Variants in MALRD1 observed in about 807,000 individuals in gnomAD.
The protein encoded by MALRD1 is MAM and LDL-receptor class A domain-containing protein 1.
MALRD1 carries 247 observed loss-of-function variants against 242.1 expected under a neutral mutation model. That is an observed-to-expected ratio of 1.02 (90% CI 0.92 to 1.13). MALRD1 has a LOEUF of 1.13. Ranked by LOEUF, MALRD1 falls within the 50% of genes most tolerant of loss-of-function variation. MALRD1 has a pLI of 0.00. For missense variants in MALRD1, 2,989 were observed against 2,533.1 expected (o/e 1.18, Z -3.86); for synonymous variants, 995 against 866.6 (o/e 1.15, Z -2.60).
At chr10:19,408,014 C>G (rs1833111902) in intron 28 of MALRD1, among the ~76,000 whole-genome samples, 1 of 152,122 alleles carries the variant, frequency 6.6e-6, no homozygotes, top group Non-Finnish European at 1.5e-5. Flanking sequence ...AAGCCAATCA[C>G]TGAAACAATG....
intron 18 of MALRD1, among the ~76,000 whole-genome samples, chr10:19,230,062 G>A (rs112024061): frequency 9.9e-5 from 15 of 152,090 alleles, no homozygotes; most frequent in African/African-American, 1.7e-4. Flanking sequence ...AACCCCTTTC[G>A]CCTTTCACTT....
intron 31 of MALRD1, among the ~76,000 whole-genome samples, chr10:19,526,170 A>G (rs370629942): frequency 1.1e-4 from 17 of 152,252 alleles, no homozygotes; most frequent in East Asian, 7.7e-4. Flanking sequence ...GAAGCAACTG[A>G]AAGTTTATAA....
At chr10:19,422,161 T>C (rs781066133) in intron 28 of MALRD1, among the ~76,000 whole-genome samples, 1 of 152,210 alleles carries the variant, frequency 6.6e-6, no homozygotes, top group Non-Finnish European at 1.5e-5. Context: ...ATTTAAATCA[T>C]GCTCTTTTCT....
chr10:19,379,064 A>C (rs543965069), intron 26 of MALRD1, among the ~76,000 whole-genome samples: 6 of 152,228 alleles, frequency 3.9e-5, no homozygotes, highest in African/African-American at 7.2e-5. Context: ...TATTTCACCA[A>C]AGTTGTCAAG....
intron 14 of MALRD1, among the ~76,000 whole-genome samples, chr10:19,194,258 A>C (rs1259088753): frequency 6.6e-6 from 1 of 152,178 alleles, no homozygotes; most frequent in African/African-American, 2.4e-5. Flanking sequence ...AAATAAACGT[A>C]GGTTATTTGT....
rs116881433 is a variant in MALRD1 at position 19,666,739 on chromosome 10, G to A, written c.6138-25543G>A. On this transcript the variant is annotated intron_variant, in intron 36 of 39. Transcript: ENST00000454679. Reference sequence around the variant, plus strand: ...TGGAGAAAATTTTAAATGCTGGTAGGTAGCTGGTAGCATAAGCCTTCATCA... The same window carrying A: ...TGGAGAAAATTTTAAATGCTGGTAGATAGCTGGTAGCATAAGCCTTCATCA... Among the ~76,000 whole-genome samples the A allele has an allele frequency of 1.6e-4, 25 of 152,242 alleles. No individual in the cohort carries two copies. In the East Asian group the frequency reaches 4.1e-3, roughly 25 times the overall value.
chr10:19,254,385 T>C (rs1839418553), intron 18 of MALRD1, among the ~76,000 whole-genome samples: 1 of 152,002 alleles, frequency 6.6e-6, no homozygotes, highest in East Asian at 1.9e-4. Flanking sequence ...ATTTGAGCTT[T>C]TGGAGATTAT....
At chr10:19,379,649 G>A (rs1401524054) in intron 26 of MALRD1, among the ~76,000 whole-genome samples, 1 of 152,084 alleles carries the variant, frequency 6.6e-6, no homozygotes, top group Non-Finnish European at 1.5e-5. Flanking sequence ...AGCATACTCT[G>A]CATGATTTTA....
At chr10:19,672,389 T>C (rs1841962331) in intron 36 of MALRD1, among the ~76,000 whole-genome samples, 2 of 151,606 alleles carry the variant, frequency 1.3e-5, no homozygotes, top group South Asian at 2.1e-4. Context: ...TTATATTTGA[T>C]TGATGCAACA....
At chr10:19,142,145 C>A (rs1475428194) in intron 10 of MALRD1, among the ~76,000 whole-genome samples, 3 of 123,720 alleles carry the variant, frequency 2.4e-5, no homozygotes, top group African/African-American at 6.2e-5. Context: ...GCACTCCAGC[C>A]TGGGCGACAG....
intron 28 of MALRD1, among the ~76,000 whole-genome samples, chr10:19,406,141 G>T (rs182757981): frequency 1.3e-4 from 20 of 152,262 alleles, no homozygotes; most frequent in African/African-American, 4.6e-4. Flanking sequence ...GCCACCAAAT[G>T]CTATACCAGT....
At chr10:19,145,863 T>C (rs1409964228) in intron 10 of MALRD1, among the ~76,000 whole-genome samples, 1 of 152,156 alleles carries the variant, frequency 6.6e-6, no homozygotes, top group South Asian at 2.1e-4. Context: ...TCATTTAAAC[T>C]ACCATCTCAG....
intron 8 of MALRD1, among the ~76,000 whole-genome samples, chr10:19,131,669 C>T (rs1833114583): frequency 6.6e-6 from 1 of 152,026 alleles, no homozygotes; most frequent in African/African-American, 2.4e-5. Flanking sequence ...GACTTTGGTA[C>T]CCTTGATTTC....
At chr10:19,594,735 G>A (rs966555094) in intron 33 of MALRD1, among the ~76,000 whole-genome samples, 1 of 152,070 alleles carries the variant, frequency 6.6e-6, no homozygotes, top group Non-Finnish European at 1.5e-5. Context: ...AACCAGGAAT[G>A]GAAAACTAAA....
intron 2 of MALRD1, among the ~76,000 whole-genome samples, chr10:19,075,290 C>A (rs1170348048): frequency 6.6e-6 from 1 of 152,000 alleles, no homozygotes; most frequent in Non-Finnish European, 1.5e-5. Context: ...ACTAATCTGG[C>A]CACAGCTATG....
At chr10:19,280,932 C>T (rs1840774470) in intron 20 of MALRD1, among the ~76,000 whole-genome samples, 1 of 152,156 alleles carries the variant, frequency 6.6e-6, no homozygotes, top group African/African-American at 2.4e-5. Context: ...TGTGAATTGA[C>T]TGTACCATCA....
intron 5 of MALRD1, among the ~76,000 whole-genome samples, chr10:19,115,564 G>T (rs1420708932): frequency 1.3e-5 from 2 of 152,048 alleles, no homozygotes; most frequent in Non-Finnish European, 2.9e-5. Context: ...AGATGAGGAA[G>T]TTTATAATAT....
At chr10:19,412,449 G>T (rs1833313630) in intron 28 of MALRD1, among the ~76,000 whole-genome samples, 2 of 152,178 alleles carry the variant, frequency 1.3e-5, no homozygotes, top group Non-Finnish European at 2.9e-5. Context: ...CACCTGTCAG[G>T]AATCTTGTAT....
At chr10:19,211,865 C>T (rs570978567) in intron 18 of MALRD1, among the ~76,000 whole-genome samples, 1 of 151,920 alleles carries the variant, frequency 6.6e-6, no homozygotes, top group Non-Finnish European at 1.5e-5. Flanking sequence ...ATGGAATTAC[C>T]AGCAGATAGG....
Sources: allele counts gnomAD v4.1 joint callset (sites outside exome capture counted in the v4.1 genomes callset), GRCh38; gene constraint gnomAD v4.1.1; transcripts MANE v1.5; gene names NCBI Gene and HGNC (gene_info 2026-07-23, HGNC 2026-07-21).